VEPH1: variants seen among roughly 807,000 people sequenced by gnomAD.
The protein encoded by VEPH1 is ventricular zone expressed PH domain containing 1.
In VEPH1, 80 loss-of-function variants were observed where a neutral mutation model predicts 85.2. The ratio of observed to expected loss-of-function variants is 0.94; its 90% CI spans 0.78 to 1.13. The LOEUF (loss-of-function observed/expected upper bound fraction) is 1.13. Among genes scored for constraint, VEPH1 ranks in the 50% most tolerant of loss-of-function variants. The pLI, the probability that VEPH1 is intolerant of heterozygous loss-of-function variation, is 0.00. For synonymous variants in VEPH1, 297 were observed against 348.0 expected, an observed-to-expected ratio of 0.85 and a Z score of 1.63; for missense variants, 955 against 980.5, an observed-to-expected ratio of 0.97 and a Z score of 0.35.
At chr3:157,311,432 A>C (rs1338038803) in intron 11 of VEPH1, among the ~76,000 whole-genome samples, 1 of 152,196 alleles carries the variant, frequency 6.6e-6, no homozygotes, top group African/African-American at 2.4e-5. Context: ...CACCATTCTT[A>C]CAGCTATTTT....
intron 4 of VEPH1, among the ~76,000 whole-genome samples, chr3:157,430,902 C>T (rs1403274099): frequency 1.3e-5 from 2 of 152,174 alleles, no homozygotes; most frequent in African/African-American, 4.8e-5. Context: ...TGACATAAGT[C>T]TCCCTAAGTT....
intron 4 of VEPH1, among the ~76,000 whole-genome samples, chr3:157,455,254 C>G (rs571516375): frequency 6.6e-6 from 1 of 152,112 alleles, no homozygotes; most frequent in African/African-American, 2.4e-5. Context: ...TTGCCAACAT[C>G]TATTGTTTTC....
intron 9 of VEPH1, among the ~76,000 whole-genome samples, chr3:157,352,684 G>C (rs896450080): frequency 9.9e-5 from 15 of 152,150 alleles, no homozygotes; most frequent in Non-Finnish European, 2.1e-4. Flanking sequence ...AGTTGTTTGA[G>C]GCTGATAGCA....
chr3:157,332,591 A>G (rs920912997), intron 9 of VEPH1, among the ~76,000 whole-genome samples: 1 of 152,194 alleles, frequency 6.6e-6, no homozygotes, highest in Non-Finnish European at 1.5e-5. Context: ...TTGCATGGCT[A>G]AATAACATTC....
At chr3:157,313,547 T>TA (rs34067114) in intron 11 of VEPH1, 74 bp downstream of exon 11, 95 of 1,513,578 alleles carry the variant, frequency 6.3e-5, no homozygotes, top group Middle Eastern at 1.9e-4. Context: ...ATTTAATTGC[T>TA]AAAAAAAAGG....
intron 4 of VEPH1, among the ~76,000 whole-genome samples, chr3:157,455,786 A>G (rs1243859083): frequency 1.3e-5 from 2 of 152,184 alleles, no homozygotes; most frequent in East Asian, 1.9e-4. Context: ...ATAGTTTTCC[A>G]TGGTGTATAG....
At chr3:157,261,438 AGAACTTTCTAAGAGGGCCAGAATC>A in intron 13 of VEPH1, 68 bp from the exon 14 acceptor site, 1 of 1,574,728 alleles carries the variant, frequency 6.4e-7, no homozygotes, top group South Asian at 1.2e-5. Flanking sequence ...TGGCTACTGG[AGAACTTTCTAAGAGGGCCAGAATC>A]CTTTCACTTT....
At chr3:157,268,535 T>C (rs1400262601) in intron 12 of VEPH1, among the ~76,000 whole-genome samples, 1 of 152,150 alleles carries the variant, frequency 6.6e-6, no homozygotes, top group Non-Finnish European at 1.5e-5. Flanking sequence ...TATCTGAAGG[T>C]TTTTAATATT....
chr3:157,400,446 C>G (rs1208865180), intron 6 of VEPH1, among the ~76,000 whole-genome samples: 2 of 151,912 alleles, frequency 1.3e-5, no homozygotes, highest in African/African-American at 2.4e-5. Flanking sequence ...ATATCTTTCC[C>G]AAAAAGATGT....
At chr3:157,350,543 C>T (rs1056155446) in intron 9 of VEPH1, among the ~76,000 whole-genome samples, 2 of 152,094 alleles carry the variant, frequency 1.3e-5, no homozygotes, top group African/African-American at 4.8e-5. Flanking sequence ...TAAAAAGCTT[C>T]TGCACAGCAA....
At chr3:157,483,396 A>T (rs1178288271) in intron 2 of VEPH1, among the ~76,000 whole-genome samples, 1 of 152,192 alleles carries the variant, frequency 6.6e-6, no homozygotes, top group East Asian at 1.9e-4. Flanking sequence ...CACCCAAGAA[A>T]ATAAGGCAAT....
At chr3:157,374,286 G>C (rs1016540012) in intron 7 of VEPH1, among the ~76,000 whole-genome samples, 3 of 151,582 alleles carry the variant, frequency 2.0e-5, no homozygotes, top group Admixed American at 2.0e-4. Flanking sequence ...AGAGATACTC[G>C]TTTCCTATCA....
chr3:157,375,663 C>T (rs34433563), intron 7 of VEPH1, among the ~76,000 whole-genome samples: 6,427 of 152,244 alleles, frequency 0.042, 225 homozygotes, highest in South Asian at 0.14. Context: ...ATTTTCCCTT[C>T]ATTCTCCTGC....
chr3:157,431,252 C>T (rs1733126204), intron 4 of VEPH1, among the ~76,000 whole-genome samples: 2 of 152,150 alleles, frequency 1.3e-5, no homozygotes, highest in Admixed American at 6.5e-5. Flanking sequence ...CCTGAGGCCT[C>T]CTCAGCCACG....
At chr3:157,437,788 G>A (rs1317005599) in intron 4 of VEPH1, 1 of 1,463,676 alleles carries the variant, frequency 6.8e-7, no homozygotes, top group South Asian at 1.4e-5. Flanking sequence ...GCGTATGGAG[G>A]GCGCGGAGGC....
At chr3:157,477,246 C>T (rs1737566486) in intron 2 of VEPH1, among the ~76,000 whole-genome samples, 1 of 151,244 alleles carries the variant, frequency 6.6e-6, no homozygotes, top group African/African-American at 2.4e-5. Context: ...TTCCTTGGCT[C>T]ATGGTCCCTT....
chr3:157,420,637 T>C (rs1324292021), intron 5 of VEPH1, among the ~76,000 whole-genome samples: 2 of 152,224 alleles, frequency 1.3e-5, no homozygotes, highest in Non-Finnish European at 2.9e-5. Flanking sequence ...TGACTTCTTA[T>C]TTTAAATGAA....
intron 3 of VEPH1, among the ~76,000 whole-genome samples, chr3:157,462,769 C>T (rs1481680323): frequency 6.6e-6 from 1 of 152,170 alleles, no homozygotes; most frequent in Admixed American, 6.5e-5. Context: ...ACCCTAATTC[C>T]TCTGTGGAAC....
At chr3:157,474,462 C>T (rs1448451952) in intron 2 of VEPH1, among the ~76,000 whole-genome samples, 1 of 152,118 alleles carries the variant, frequency 6.6e-6, no homozygotes, top group African/African-American at 2.4e-5. Context: ...ATTTATTTTA[C>T]AACCTATATT....
Sources: allele counts gnomAD v4.1 joint callset (sites outside exome capture counted in the v4.1 genomes callset), GRCh38; gene constraint gnomAD v4.1.1; transcripts MANE v1.5; gene names NCBI Gene and HGNC (gene_info 2026-07-23, HGNC 2026-07-21).